Variants in SH3RF3 observed in about 807,000 individuals in gnomAD.
SH3RF3 encodes the protein E3 ubiquitin-protein ligase SH3RF3.
In SH3RF3, 29 loss-of-function variants were observed where a neutral mutation model predicts 66.3. The ratio of observed to expected loss-of-function variants is 0.44; its 90% confidence interval spans 0.33 to 0.60. The LOEUF (loss-of-function observed/expected upper bound fraction) is 0.60. Ranked by LOEUF, SH3RF3 falls within the 20% of genes least tolerant of loss-of-function variation. SH3RF3 has a pLI of 0.04. For missense variants in SH3RF3, 1,194 were observed against 1,190.9 expected (o/e 1.00, Z -0.04); for synonymous variants, 583 against 532.0 (o/e 1.10, Z -1.32).
intron 1 of SH3RF3, among the ~76,000 whole-genome samples, chr2:109,155,145 A>T (rs1372320165): frequency 1.3e-5 from 2 of 152,150 alleles, no homozygotes; most frequent in Non-Finnish European, 2.9e-5. Context: ...TGCTATGCTG[A>T]TGTTCGGTGG....
intron 1 of SH3RF3, among the ~76,000 whole-genome samples, chr2:109,312,100 G>A (rs977629874): frequency 3.9e-5 from 6 of 152,156 alleles, no homozygotes; most frequent in African/African-American, 1.4e-4. Flanking sequence ...GTTTCCTTTA[G>A]CATTGTTAGT....
At chr2:109,468,737 C>G (rs1678424182) in intron 8 of SH3RF3, among the ~76,000 whole-genome samples, 1 of 151,308 alleles carries the variant, frequency 6.6e-6, no homozygotes, top group African/African-American at 2.4e-5. Context: ...ACCTGTAATC[C>G]CAGCTACTCA....
chr2:109,501,475 G>A (rs781703457), intron 9 of SH3RF3, 28 bp from the exon 10 acceptor site: 1 of 767,840 alleles, frequency 1.3e-6, no homozygotes, highest in South Asian at 1.4e-5. Context: ...TGTCTGTGTG[G>A]GGCTCACCCA....
intron 1 of SH3RF3, among the ~76,000 whole-genome samples, chr2:109,242,976 C>T (rs530251288): frequency 6.6e-5 from 10 of 152,316 alleles, no homozygotes; most frequent in South Asian, 4.1e-4. Context: ...GTCGGACTTC[C>T]GTGACTCATG....
chr2:109,156,159 T>C (rs1020402892), intron 1 of SH3RF3, among the ~76,000 whole-genome samples: 1 of 152,260 alleles, frequency 6.6e-6, no homozygotes, highest in African/African-American at 2.4e-5. Context: ...GCAGTCCATC[T>C]CAGCAGTTTG....
chr2:109,402,238 A>T (rs567269360), intron 4 of SH3RF3, among the ~76,000 whole-genome samples: 60 of 152,368 alleles, frequency 3.9e-4, no homozygotes, highest in Admixed American at 7.8e-4. Flanking sequence ...TCTGACCAGG[A>T]AGTGCCTGGC....
chr2:109,269,643 T>A (rs59448285), intron 1 of SH3RF3, among the ~76,000 whole-genome samples: 6,158 of 152,110 alleles, frequency 0.04, 414 homozygotes, highest in African/African-American at 0.14. Context: ...TAGCCGGACA[T>A]GGTGGCGTGT....
intron 3 of SH3RF3, among the ~76,000 whole-genome samples, chr2:109,379,816 C>A (rs1414725687): frequency 6.6e-6 from 1 of 151,994 alleles, no homozygotes; most frequent in African/African-American, 2.4e-5. Flanking sequence ...GGCAGGAAAG[C>A]CAGAAGCGAG....
intron 1 of SH3RF3, among the ~76,000 whole-genome samples, chr2:109,284,732 T>A (rs1395766791): frequency 6.6e-6 from 1 of 152,184 alleles, no homozygotes; most frequent in African/African-American, 2.4e-5. Context: ...TGTGCACACC[T>A]CTGCAGGTGA....
At chr2:109,324,604 G>C (rs1264499855) in intron 1 of SH3RF3, among the ~76,000 whole-genome samples, 2 of 152,238 alleles carry the variant, frequency 1.3e-5, no homozygotes, top group Non-Finnish European at 2.9e-5. Context: ...TATTTGCAAA[G>C]TGCTAATAAG....
At chr2:109,361,170 A>C (rs1683044994) in intron 2 of SH3RF3, among the ~76,000 whole-genome samples, 1 of 152,228 alleles carries the variant, frequency 6.6e-6, no homozygotes, top group Non-Finnish European at 1.5e-5. Context: ...TACCTGGGAT[A>C]AATTCCACTT....
chr2:109,145,609 C>T (rs1251544513), intron 1 of SH3RF3, among the ~76,000 whole-genome samples: 1 of 152,206 alleles, frequency 6.6e-6, no homozygotes. Flanking sequence ...CGACCTTTGG[C>T]ACTGCTATCG....
At chr2:109,303,460 A>G (rs1339704808) in intron 1 of SH3RF3, among the ~76,000 whole-genome samples, 1 of 152,184 alleles carries the variant, frequency 6.6e-6, no homozygotes, top group Admixed American at 6.5e-5. Flanking sequence ...ATGGCAGAAC[A>G]CTAAGAAGAT....
chr2:109,331,297 A>G lies in SH3RF3; in HGVS notation c.574-16377A>G, dbSNP rs142954029. ...CCAGAGCAAGATTCAGGAATTGGCC[A>G]TCAAATGAGTTCCTCATTTGCAATC... is the stretch of plus-strand genomic sequence containing the variant. On this transcript the variant is annotated intron_variant, in intron 1 of 9. Transcript: ENST00000309415. Among the ~76,000 whole-genome samples the G allele has an allele frequency of 1.8e-3, 272 of 152,222 alleles. 2 individuals carry two copies. Among genetic ancestry groups the G allele is most frequent in the Non-Finnish European group, 2.8e-3 (187 of 67,996 alleles).
rs184539711 is a variant in SH3RF3, at chr2:109,225,659, C to T, written c.573+95546C>T. Reference sequence around the variant, plus strand: ...TGAATTTAGAAAATCAAAAGATGACCGTCTTGTTTCCTGTAAATATCAGGA... The same window carrying T: ...TGAATTTAGAAAATCAAAAGATGACTGTCTTGTTTCCTGTAAATATCAGGA... On this transcript the variant is annotated intron_variant, in intron 1 of 9. Coordinates refer to ENST00000309415, the MANE Select transcript of SH3RF3 (RefSeq NM_001099289.3). Among the ~76,000 whole-genome samples, 23 of 152,324 alleles carry T rather than the reference C, an allele frequency of 1.5e-4. 1 individual carries two copies. Among genetic ancestry groups the T allele is most frequent in the Admixed American group, 1.2e-3 (19 of 15,292 alleles).
At chr2:109,242,114 T>A (rs201080172) in intron 1 of SH3RF3, among the ~76,000 whole-genome samples, 9,338 of 151,994 alleles carry the variant, frequency 0.061, 441 homozygotes, top group East Asian at 0.2. Flanking sequence ...TCTGTTCGCC[T>A]CCTGTTTTCC....
intron 1 of SH3RF3, among the ~76,000 whole-genome samples, chr2:109,290,222 A>G (rs577549226): frequency 2.2e-4 from 34 of 152,362 alleles, no homozygotes; most frequent in African/African-American, 8.2e-4. Flanking sequence ...ATCTTCAGAC[A>G]CATCACATCA....
intron 8 of SH3RF3, among the ~76,000 whole-genome samples, chr2:109,466,634 TA>T (rs1301078708): frequency 3.3e-5 from 5 of 152,318 alleles, no homozygotes; most frequent in African/African-American, 1.2e-4. Flanking sequence ...GTGTTTTATC[TA>T]AAAAGGCACC....
At chr2:109,330,672 TG>T (rs1682262738) in intron 1 of SH3RF3, among the ~76,000 whole-genome samples, 1 of 152,042 alleles carries the variant, frequency 6.6e-6, no homozygotes. Context: ...TGAGGAGTGA[TG>T]GATGGATGGA....
Sources: gnomAD v4.1 joint callset for allele counts (sites outside exome capture counted in the v4.1 genomes callset) on GRCh38, gnomAD v4.1.1 for gene constraint, MANE v1.5 for transcripts, NCBI Gene and HGNC (gene_info 2026-07-23, HGNC 2026-07-21) for gene names.